The following ADGRB3 variants were observed in gnomAD, a reference collection of about 807,000 sequenced individuals.
ADGRB3 encodes the protein brain-specific angiogenesis inhibitor 3.
A neutral mutation model predicts 193.4 loss-of-function variants in ADGRB3; 37 were observed. The ratio of observed to expected loss-of-function variants is 0.19; its 90% CI spans 0.15 to 0.25. The LOEUF (loss-of-function observed/expected upper bound fraction) is 0.25. ADGRB3 is among the 10% of genes least tolerant of loss of function. ADGRB3 has a pLI of 1.00. For missense variants in ADGRB3, 1,637 were observed against 1,852.9 expected, an observed-to-expected ratio of 0.88 and a Z score of 2.14; for synonymous variants, 690 against 644.2, an observed-to-expected ratio of 1.07 and a Z score of -1.08.
At chr6:68,637,231 A>G (rs1303469279) in intron 1 of ADGRB3, among the ~76,000 whole-genome samples, 160 bp from the exon 2 acceptor site, 2 of 152,198 alleles carry the variant, frequency 1.3e-5, no homozygotes, top group Non-Finnish European at 2.9e-5. Context: ...ATGCAGATCT[A>G]TCTTCAGGGA....
chr6:68,780,533 A>G (rs887495741), intron 3 of ADGRB3, among the ~76,000 whole-genome samples: 1 of 152,074 alleles, frequency 6.6e-6, no homozygotes, highest in Non-Finnish European at 1.5e-5. Context: ...TTGAGAGTAC[A>G]TGTTTGTGGA....
intron 13 of ADGRB3, among the ~76,000 whole-genome samples, chr6:69,031,101 CTTCTCTTCTCT>C (rs1770663670): frequency 1.3e-5 from 1 of 74,752 alleles, no homozygotes; most frequent in Non-Finnish European, 2.9e-5. Flanking sequence ...CTTCTCTTCT[CTTCTCTTCTCT>C]TCTCTCTCTT....
chr6:69,234,192 G>A (rs1766213145), intron 18 of ADGRB3, among the ~76,000 whole-genome samples: 1 of 152,094 alleles, frequency 6.6e-6, no homozygotes, highest in South Asian at 2.1e-4. Context: ...TGAGGTTTTA[G>A]AACACGCTTA....
intron 3 of ADGRB3, among the ~76,000 whole-genome samples, chr6:68,671,314 G>C (rs1768953564): frequency 6.6e-6 from 1 of 151,902 alleles, no homozygotes; most frequent in South Asian, 2.1e-4. Context: ...GGTGACAGTG[G>C]GAAACCTTGT....
In ADGRB3 at chr6:68,828,886, A is replaced by G. The variant is rs77488016; in HGVS notation, c.758-101673A>G. Among the ~76,000 whole-genome samples, 255 of 152,224 alleles carry G rather than the reference A, an allele frequency of 1.7e-3. 3 individuals carry two copies. Among genetic ancestry groups the G allele is most frequent in the African/African-American group, 5.9e-3 (246 of 41,550 alleles). ...TTCTTTTACATATGCCCACTGTATG[A>G]CTGGAGTTTATGAGACAGAAATATA... On this transcript the variant is annotated intron_variant, in intron 3 of 31. Transcript: ENST00000370598.
chr6:68,712,224 G>A (rs897037465), intron 3 of ADGRB3, among the ~76,000 whole-genome samples: 2 of 151,870 alleles, frequency 1.3e-5, no homozygotes, highest in East Asian at 3.9e-4. Flanking sequence ...TCTGAGTTCA[G>A]CAGAGATAAA....
chr6:68,907,892 G>A (rs1019936056), intron 3 of ADGRB3, among the ~76,000 whole-genome samples: 4 of 151,694 alleles, frequency 2.6e-5, no homozygotes, highest in African/African-American at 9.7e-5. Flanking sequence ...TATCAAGAAA[G>A]AACTTTAATA....
chr6:68,808,939 G>C (rs891390400), intron 3 of ADGRB3, among the ~76,000 whole-genome samples: 1 of 152,148 alleles, frequency 6.6e-6, no homozygotes, highest in African/African-American at 2.4e-5. Flanking sequence ...GAGTCCTTTG[G>C]GATGGGGCTC....
At chr6:69,343,314 C>T (rs1351777137) in intron 26 of ADGRB3, among the ~76,000 whole-genome samples, 1 of 150,826 alleles carries the variant, frequency 6.6e-6, no homozygotes, top group Non-Finnish European at 1.5e-5. Context: ...AGGTATATCT[C>T]CCAGTGCTAT....
intron 12 of ADGRB3, among the ~76,000 whole-genome samples, chr6:69,014,561 A>G (rs545114635): frequency 3.3e-5 from 5 of 152,000 alleles, no homozygotes; most frequent in Non-Finnish European, 5.9e-5. Context: ...ACCAAAAATT[A>G]TGTTATGATT....
intron 3 of ADGRB3, among the ~76,000 whole-genome samples, chr6:68,765,364 T>C (rs1766488378): frequency 6.6e-6 from 1 of 152,118 alleles, no homozygotes; most frequent in African/African-American, 2.4e-5. Flanking sequence ...ACCCCTAATT[T>C]TTAAAATATT....
intron 17 of ADGRB3, among the ~76,000 whole-genome samples, chr6:69,171,640 T>C (rs1345567421): frequency 6.6e-6 from 1 of 152,166 alleles, no homozygotes; most frequent in Non-Finnish European, 1.5e-5. Flanking sequence ...CCCCTCTCCC[T>C]ATTTAGGAAA....
Position 68,856,172 on chromosome 6 carries a change from C to G in ADGRB3, c.758-74387C>G, listed in dbSNP as rs565796732. On this transcript the variant is annotated intron_variant, in intron 3 of 31. Transcript: ENST00000370598. The stretch of plus-strand genomic sequence containing the variant: ...GGACTGTGAATTCTCCATTAACCCT[C>G]TTTCTTTTGTAAATTGCCCAGTCTC... Among the ~76,000 whole-genome samples the G allele has an allele frequency of 9.9e-5, 15 of 152,236 alleles. No homozygotes were observed. The South Asian group carries it at 3.1e-3, about 32-fold the overall frequency.
At chr6:68,986,690 GA>G (rs1286701056) in intron 10 of ADGRB3, among the ~76,000 whole-genome samples, 1 of 152,016 alleles carries the variant, frequency 6.6e-6, no homozygotes, top group African/African-American at 2.4e-5. Flanking sequence ...GTTGCTTTAT[GA>G]AAAAAGCTCT....
chr6:69,235,596 T>C (rs570084986), intron 19 of ADGRB3, among the ~76,000 whole-genome samples: 34 of 152,196 alleles, frequency 2.2e-4, no homozygotes, highest in Middle Eastern at 3.4e-3. Context: ...AACCCTTCTA[T>C]GCTATTGAAG....
intron 10 of ADGRB3, among the ~76,000 whole-genome samples, chr6:68,975,753 A>G (rs1335037976): frequency 6.6e-6 from 1 of 152,212 alleles, no homozygotes; most frequent in East Asian, 1.9e-4. Context: ...TCACTTAGCT[A>G]TCAAATTTCT....
At chr6:69,026,533 G>A (rs1387541576) in intron 13 of ADGRB3, among the ~76,000 whole-genome samples, 2 of 152,124 alleles carry the variant, frequency 1.3e-5, no homozygotes, top group Non-Finnish European at 2.9e-5. Flanking sequence ...GAAGCTAAAA[G>A]GTATTTGTCT....
intron 17 of ADGRB3, among the ~76,000 whole-genome samples, chr6:69,122,482 GGGGGGAGGGGGAGGGGGAGA>G (rs1773737626): frequency 1.2e-4 from 2 of 17,130 alleles, no homozygotes; most frequent in Non-Finnish European, 3.2e-4. Flanking sequence ...GGGAGGGGGA[GGGGGGAGGGGGAGGGGGAGA>G]GGGAGAGGTG....
At chr6:68,954,656 T>G (rs1385034667) in intron 6 of ADGRB3, among the ~76,000 whole-genome samples, 1 of 151,956 alleles carries the variant, frequency 6.6e-6, no homozygotes, top group Non-Finnish European at 1.5e-5. Context: ...TATTATGGTA[T>G]TATGTATTAT....
Sources: gnomAD v4.1 joint callset for allele counts (sites outside exome capture counted in the v4.1 genomes callset) on GRCh38, gnomAD v4.1.1 for gene constraint, MANE v1.5 for transcripts, NCBI Gene and HGNC (gene_info 2026-07-23, HGNC 2026-07-21) for gene names.